The following ASAP2 variants were observed in gnomAD, a reference collection of about 807,000 sequenced individuals.
ASAP2 encodes the protein ArfGAP with SH3 domain, ankyrin repeat and PH domain 2.
Under a neutral mutation model 131.4 loss-of-function variants are expected in ASAP2, and 45 were observed. The ratio of observed to expected loss-of-function variants is 0.34; its 90% confidence interval spans 0.27 to 0.44. The LOEUF is 0.44. ASAP2 is among the 20% of genes least tolerant of loss of function. ASAP2 has a pLI of 1.00. For synonymous variants in ASAP2, 510 were observed against 503.0 expected (o/e 1.01, Z -0.19); for missense variants, 1,011 against 1,297.0 (o/e 0.78, Z 3.39).
At chr2:9,344,229 T>C (rs1398751452) in intron 9 of ASAP2, among the ~76,000 whole-genome samples, 1 of 152,160 alleles carries the variant, frequency 6.6e-6, no homozygotes, top group African/African-American at 2.4e-5. Flanking sequence ...GAGCCTCATG[T>C]CACTGTCAGG....
chr2:9,272,801 G>GA (rs1666490321), intron 1 of ASAP2, among the ~76,000 whole-genome samples: 1 of 152,158 alleles, frequency 6.6e-6, no homozygotes, highest in East Asian at 1.9e-4. Context: ...ACAATTTATT[G>GA]AAAAAATTGT....
In ASAP2 at chr2:9,379,052, C is replaced by T. The variant is rs750983493; in HGVS notation, c.1941C>T (p.Ile647=). ...LKLLLRGKAS[I]EIANESGETP... ...TGCTCCTGCGGGGGAAGGCCTCCATCGAGATAGGTGAGTGGGCCCGGGCCC... is the reference window on the plus strand; with the variant it reads ...TGCTCCTGCGGGGGAAGGCCTCCATTGAGATAGGTGAGTGGGCCCGGGCCC... The change falls in exon 19 of 28, where the codon ATC becomes ATT. Residue 647 remains isoleucine (I), a synonymous_variant. Transcript: ENST00000281419. 3.2e-5 allele frequency: 50 copies of T among 1,560,960 alleles called. 1 individual carries two copies. Among genetic ancestry groups the T allele is most frequent in the Middle Eastern group, 1.7e-4 (1 of 5,840 alleles).
Position 9,293,838 on chromosome 2 carries a change from A to G in ASAP2, c.200-3462A>G, listed in dbSNP as rs11674936. 5.4e-3 allele frequency among the ~76,000 whole-genome samples: 826 copies of G among 152,282 alleles called. 10 individuals carry two copies. Among genetic ancestry groups the G allele is most frequent in the African/African-American group, 0.019 (795 of 41,544 alleles). ...GATTCCCACTGACCTCAACTGGTAC[A>G]GTGTGAGCATCAGAAGACAGTGCTG... On this transcript the variant is annotated intron_variant, in intron 2 of 27. Coordinates refer to ENST00000281419, the MANE Select transcript of ASAP2 (RefSeq NM_003887.3).
chr2:9,242,365 CT>C (rs1224535042), intron 1 of ASAP2, among the ~76,000 whole-genome samples: 5 of 152,230 alleles, frequency 3.3e-5, no homozygotes, highest in Non-Finnish European at 7.3e-5. Context: ...AATAAGTGCA[CT>C]AAGGTTTCAC....
intron 6 of ASAP2, among the ~76,000 whole-genome samples, chr2:9,327,558 AG>A (rs1670559108): frequency 6.6e-6 from 1 of 152,172 alleles, no homozygotes; most frequent in Non-Finnish European, 1.5e-5. Context: ...GCTAGAGTGA[AG>A]ATTTCTCCTA....
chr2:9,381,686 A>G (rs747205822), intron 20 of ASAP2, among the ~76,000 whole-genome samples: 5 of 152,200 alleles, frequency 3.3e-5, no homozygotes, highest in Non-Finnish European at 7.3e-5. Flanking sequence ...ACAGTGAGCC[A>G]TAATGGTGTC....
chr2:9,276,277 CCTT>C (rs1173354927), intron 1 of ASAP2, among the ~76,000 whole-genome samples: 3 of 152,094 alleles, frequency 2.0e-5, no homozygotes, highest in Non-Finnish European at 4.4e-5. Flanking sequence ...GCATCAGAGG[CCTT>C]CTCAGGAGAG....
At chr2:9,272,183 A>C (rs553686656) in intron 1 of ASAP2, among the ~76,000 whole-genome samples, 1 of 152,332 alleles carries the variant, frequency 6.6e-6, no homozygotes, top group East Asian at 1.9e-4. Context: ...CCAATAGTGT[A>C]CAGGGGTTCC....
chr2:9,367,936 G>A (rs1191575950), intron 15 of ASAP2, among the ~76,000 whole-genome samples: 5 of 152,170 alleles, frequency 3.3e-5, no homozygotes. Context: ...TGAAAACTCT[G>A]CCGCTCAGGG....
At chr2:9,224,456 T>A (rs1662627841) in intron 1 of ASAP2, among the ~76,000 whole-genome samples, 1 of 152,212 alleles carries the variant, frequency 6.6e-6, no homozygotes, top group Non-Finnish European at 1.5e-5. Context: ...TCTTGTTGAT[T>A]TGTGATTTCA....
At chr2:9,236,873 C>G (rs1663590601) in intron 1 of ASAP2, among the ~76,000 whole-genome samples, 2 of 151,838 alleles carry the variant, frequency 1.3e-5, no homozygotes, top group Admixed American at 6.6e-5. Context: ...CTTCAGGTTT[C>G]TTTTTTGAGT....
intron 1 of ASAP2, among the ~76,000 whole-genome samples, chr2:9,264,559 C>T (rs1295176485): frequency 6.6e-6 from 1 of 152,200 alleles, no homozygotes; most frequent in Non-Finnish European, 1.5e-5. Flanking sequence ...GCTGTCTTCT[C>T]GCTCATCATT....
chr2:9,309,038 T>C (rs1301232250), intron 3 of ASAP2, among the ~76,000 whole-genome samples: 1 of 152,198 alleles, frequency 6.6e-6, no homozygotes, highest in Non-Finnish European at 1.5e-5. Context: ...TAGAGTCCCG[T>C]TGGCCCAGAG....
At chr2:9,377,246 A>C (rs1192379798) in intron 18 of ASAP2, among the ~76,000 whole-genome samples, 1 of 152,196 alleles carries the variant, frequency 6.6e-6, no homozygotes, top group African/African-American at 2.4e-5. Context: ...GACACCAAGT[A>C]GATATGGCTA....
chr2:9,354,645 CAA>C (rs566781964), intron 12 of ASAP2, among the ~76,000 whole-genome samples: 15 of 73,982 alleles, frequency 2.0e-4, no homozygotes, highest in Admixed American at 3.2e-4. Context: ...GACTCCGTCT[CAA>C]AAAAAAAAAA....
At chr2:9,386,196 A>G (rs1675249290) in intron 21 of ASAP2, among the ~76,000 whole-genome samples, 1 of 151,036 alleles carries the variant, frequency 6.6e-6, no homozygotes, top group South Asian at 2.1e-4. Context: ...GAGGATATCT[A>G]ATTAGATGGA....
At chr2:9,382,220 G>A (rs1674911363) in intron 20 of ASAP2, among the ~76,000 whole-genome samples, 2 of 152,266 alleles carry the variant, frequency 1.3e-5, no homozygotes, top group East Asian at 3.9e-4. Flanking sequence ...CTGACCTCAA[G>A]CAATCCACCC....
intron 3 of ASAP2, among the ~76,000 whole-genome samples, chr2:9,315,081 G>A (rs1669556212): frequency 6.6e-6 from 1 of 152,198 alleles, no homozygotes; most frequent in Non-Finnish European, 1.5e-5. Context: ...AGACGTTTCC[G>A]TCGAATAGAA....
At chr2:9,255,633 T>TAAA (rs1460033689) in intron 1 of ASAP2, among the ~76,000 whole-genome samples, 1 of 152,198 alleles carries the variant, frequency 6.6e-6, no homozygotes, top group Non-Finnish European at 1.5e-5. Context: ...CACCTAGCTT[T>TAAA]ACAGAGGTGA....
Sources: allele counts gnomAD v4.1 joint callset (sites outside exome capture counted in the v4.1 genomes callset), GRCh38; gene constraint gnomAD v4.1.1; transcripts MANE v1.5; gene names NCBI Gene and HGNC (gene_info 2026-07-23, HGNC 2026-07-21).